CADM2: variants seen among roughly 807,000 people sequenced by gnomAD.
The protein encoded by CADM2 is immunoglobulin superfamily member 4D.
Under a neutral mutation model 49.8 loss-of-function variants are expected in CADM2, and 12 were observed. The ratio of observed to expected loss-of-function variants is 0.24; its 90% CI spans 0.15 to 0.39. The LOEUF is 0.39. Ranked by LOEUF, CADM2 falls within the 10% of genes least tolerant of loss-of-function variation. The probability of loss-of-function intolerance (pLI) is 1.00; values close to 1 mark genes in which losing one functional copy is unlikely to be tolerated. For synonymous variants in CADM2, 214 were observed against 175.4 expected (o/e 1.22, Z -1.74); for missense variants, 378 against 492.3 (o/e 0.77, Z 2.20).
At chr3:86,025,577 T>C (rs1300432813) in intron 8 of CADM2, among the ~76,000 whole-genome samples, 1 of 152,148 alleles carries the variant, frequency 6.6e-6, no homozygotes, top group Admixed American at 6.6e-5. Context: ...GAAGTTAAGA[T>C]AAAATAAATT....
At chr3:85,477,315 A>T (rs1320778758) in intron 1 of CADM2, among the ~76,000 whole-genome samples, 2 of 151,742 alleles carry the variant, frequency 1.3e-5, no homozygotes, top group East Asian at 3.9e-4. Context: ...TTCTATTAAT[A>T]GTTCTTTACT....
At chr3:85,886,427 C>T (rs898844604) in intron 5 of CADM2, 100 bp downstream of exon 5, 8 of 847,632 alleles carry the variant, frequency 9.4e-6, no homozygotes, top group Admixed American at 2.3e-5. Flanking sequence ...CATAGTGTCT[C>T]TTACAGATTA....
At chr3:85,767,691 C>A (rs1159268955) in intron 2 of CADM2, among the ~76,000 whole-genome samples, 1 of 152,018 alleles carries the variant, frequency 6.6e-6, no homozygotes, top group East Asian at 1.9e-4. Context: ...ATTACAGAAA[C>A]AATTTAAATT....
rs562927000 is a variant in CADM2 at position 85,432,418 on chromosome 3, C to T, written c.62-294104C>T. Among the ~76,000 whole-genome samples the T allele has an allele frequency of 2.0e-5, 3 of 152,122 alleles. No individual in the cohort carries two copies. The South Asian group carries it at 6.2e-4, about 32-fold the overall frequency. On this transcript the variant is annotated intron_variant, in intron 1 of 9. Transcript: ENST00000383699. Reference sequence around the variant, plus strand: ...GTTCAAGAATTTCTGCAAAAATTACCAATTTTGAGTACATAAACAAAAGTT... The same window carrying T: ...GTTCAAGAATTTCTGCAAAAATTACTAATTTTGAGTACATAAACAAAAGTT...
chr3:85,098,869 A>G (rs1025634753), intron 1 of CADM2, among the ~76,000 whole-genome samples: 1 of 152,152 alleles, frequency 6.6e-6, no homozygotes, highest in Admixed American at 6.6e-5. Flanking sequence ...TGAGTTGTTC[A>G]TGGATCAACT....
At chr3:85,959,254 T>C (rs997692987) in intron 7 of CADM2, among the ~76,000 whole-genome samples, 2 of 151,568 alleles carry the variant, frequency 1.3e-5, no homozygotes, top group African/African-American at 4.8e-5. Context: ...GGAGCTTCCA[T>C]GGCCTCTCCT....
chr3:85,095,447 A>G (rs2037758519), intron 1 of CADM2, among the ~76,000 whole-genome samples: 1 of 152,146 alleles, frequency 6.6e-6, no homozygotes, highest in African/African-American at 2.4e-5. Flanking sequence ...CTATTGTTTC[A>G]CTTTTTAAAC....
At chr3:85,088,451 A>G (rs1006418368) in intron 1 of CADM2, among the ~76,000 whole-genome samples, 26 of 152,106 alleles carry the variant, frequency 1.7e-4, no homozygotes, top group African/African-American at 6.3e-4. Context: ...AAAACCCTGA[A>G]AAAACTACCT....
Position 85,224,475 on chromosome 3 carries a change from A to C in CADM2, c.61+264807A>C, listed in dbSNP as rs563910423. ...TGATTTTTTCCTTGTAAATTTGTTT[A>C]AGTTCTTCGTAGAGTCTGGATATTA... On this transcript the variant is annotated intron_variant, in intron 1 of 9. Coordinates refer to ENST00000383699, the MANE Select transcript of CADM2 (RefSeq NM_001167675.2). Among the ~76,000 whole-genome samples, 101 of 152,174 alleles carry C rather than the reference A, an allele frequency of 6.6e-4. 1 individual carries two copies. The highest frequency in any genetic ancestry group is 2.3e-3 in the African/African-American group (97 of 41,524).
At chr3:85,221,129 C>G (rs374729199) in intron 1 of CADM2, among the ~76,000 whole-genome samples, 1 of 152,076 alleles carries the variant, frequency 6.6e-6, no homozygotes, top group African/African-American at 2.4e-5. Flanking sequence ...AATACTTCCT[C>G]GTTATAAACG....
chr3:85,313,142 G>A (rs1275646718), intron 1 of CADM2, among the ~76,000 whole-genome samples: 1 of 152,158 alleles, frequency 6.6e-6, no homozygotes, highest in Non-Finnish European at 1.5e-5. Flanking sequence ...GTGTGCTAAT[G>A]AGGAGAACCT....
In CADM2 at chr3:85,146,094, A is replaced by G. The variant is rs72907144; in HGVS notation, c.61+186426A>G. On this transcript the variant is annotated intron_variant, in intron 1 of 9. Coordinates refer to ENST00000383699, the MANE Select transcript of CADM2 (RefSeq NM_001167675.2). The stretch of plus-strand genomic sequence containing the variant: ...GGTTTTCTGTCTGACAAATGAGATT[A>G]ATGTTTATATCCCTTAGGATTGCTG... 6.4e-3 allele frequency among the ~76,000 whole-genome samples: 979 copies of G among 152,264 alleles called. 15 individuals carry two copies. Among genetic ancestry groups the G allele is most frequent in the African/African-American group, 0.022 (911 of 41,562 alleles).
chr3:85,101,201 C>T (rs183371361), intron 1 of CADM2, among the ~76,000 whole-genome samples: 9 of 152,218 alleles, frequency 5.9e-5, no homozygotes, highest in Admixed American at 5.9e-4. Flanking sequence ...TTGCAGTGAG[C>T]CGAGAGCGCA....
chr3:86,025,560 C>T (rs996237957), intron 8 of CADM2, among the ~76,000 whole-genome samples: 11 of 151,808 alleles, frequency 7.2e-5, no homozygotes, highest in African/African-American at 2.4e-4. Context: ...ACACTTCCTT[C>T]GTTGGTGAAG....
At chr3:85,008,110 T>C (rs1290241670) in intron 1 of CADM2, among the ~76,000 whole-genome samples, 6 of 152,184 alleles carry the variant, frequency 3.9e-5, no homozygotes, top group South Asian at 4.1e-4. Flanking sequence ...AACACTGCCA[T>C]TGGCTCATGA....
chr3:85,505,790 C>A (rs1429200569), intron 1 of CADM2, among the ~76,000 whole-genome samples: 1 of 152,088 alleles, frequency 6.6e-6, no homozygotes, highest in African/African-American at 2.4e-5. Flanking sequence ...ATTAAGAATG[C>A]AGTAATTGAT....
intron 1 of CADM2, among the ~76,000 whole-genome samples, chr3:85,154,525 A>T (rs1001025124): frequency 6.6e-6 from 1 of 152,120 alleles, no homozygotes; most frequent in Non-Finnish European, 1.5e-5. Context: ...GCAGGATATT[A>T]TCCGTGAGAA....
intron 1 of CADM2, among the ~76,000 whole-genome samples, chr3:85,054,413 C>G (rs2035998839): frequency 1.3e-5 from 2 of 151,768 alleles, no homozygotes; most frequent in Non-Finnish European, 2.9e-5. Context: ...ATTGGGGGAT[C>G]TATGACATGG....
Position 85,883,588 on chromosome 3 carries a change from G to A in CADM2, c.391+145G>A, listed in dbSNP as rs1559720407. ...CTTTCTCTGCTACATTTTAACACAG[G>A]CGTTTTAAAATCATTTAGTCACTTT... On this transcript the variant is annotated intron_variant, in intron 4 of 9. Coordinates refer to ENST00000383699, the MANE Select transcript of CADM2 (RefSeq NM_001167675.2). 4 of 683,990 alleles carry A rather than the reference G, an allele frequency of 5.8e-6. No homozygotes were observed. In the East Asian group the frequency reaches 9.6e-5, roughly 16 times the overall value. 42.4% of individuals were successfully genotyped at this position (683,990 alleles called of 1,614,324 possible).
Sources: gnomAD v4.1 joint callset for allele counts (sites outside exome capture counted in the v4.1 genomes callset) on GRCh38, gnomAD v4.1.1 for gene constraint, MANE v1.5 for transcripts, NCBI Gene and HGNC (gene_info 2026-07-23, HGNC 2026-07-21) for gene names.